FBXO11: variants seen among roughly 807,000 people sequenced by gnomAD.
FBXO11 encodes the protein F-box protein 11.
FBXO11 carries 13 observed loss-of-function variants against 117.0 expected under a neutral mutation model. That is an observed-to-expected ratio of 0.11 (90% CI 0.07 to 0.18). FBXO11 has a LOEUF of 0.18. Among genes scored for constraint, FBXO11 ranks in the 10% least tolerant of loss-of-function variants. The probability of loss-of-function intolerance (pLI) is 1.00; values close to 1 mark genes in which losing one functional copy is unlikely to be tolerated. For synonymous variants in FBXO11, 490 were observed against 380.5 expected (o/e 1.29, Z -3.35); for missense variants, 767 against 1,164.4 (o/e 0.66, Z 4.97).
chr2:47,881,234 A>G (rs540557235), intron 1 of FBXO11, among the ~76,000 whole-genome samples: 1 of 152,318 alleles, frequency 6.6e-6, no homozygotes, highest in South Asian at 2.1e-4. Flanking sequence ...CCTGGGTGAC[A>G]CAACGAGACT....
At chr2:47,810,157 A>G in intron 19 of FBXO11, 159 bp downstream of exon 19, 1 of 566,564 alleles carries the variant, frequency 1.8e-6, no homozygotes, top group East Asian at 3.0e-5. Context: ...AAGAATCCAG[A>G]ACTTGATTAG....
intron 1 of FBXO11, among the ~76,000 whole-genome samples, chr2:47,862,033 C>T (rs1275206871): frequency 1.3e-5 from 2 of 152,118 alleles, no homozygotes; most frequent in Non-Finnish European, 2.9e-5. Context: ...CTGCCACAGC[C>T]TCCCGAGTGG....
chr2:47,849,802 C>T (rs1400711854), intron 1 of FBXO11, among the ~76,000 whole-genome samples: 3 of 152,158 alleles, frequency 2.0e-5, no homozygotes, highest in African/African-American at 7.2e-5. Flanking sequence ...TGCTCATCTC[C>T]AGCACAGGTA....
At chr2:47,862,752 A>G (rs946744092) in intron 1 of FBXO11, among the ~76,000 whole-genome samples, 1 of 152,188 alleles carries the variant, frequency 6.6e-6, no homozygotes, top group African/African-American at 2.4e-5. Context: ...AAAGACTTAC[A>G]GCAGCTTCAA....
intron 16 of FBXO11, among the ~76,000 whole-genome samples, chr2:47,814,639 A>T (rs1489286057): frequency 6.6e-6 from 1 of 152,216 alleles, no homozygotes; most frequent in East Asian, 1.9e-4. Context: ...TCAGTCTCCC[A>T]AAGTGCTGGG....
At chr2:47,828,215 A>T (rs1442244859) in intron 11 of FBXO11, among the ~76,000 whole-genome samples, 1 of 152,198 alleles carries the variant, frequency 6.6e-6, no homozygotes. Flanking sequence ...TCCTGGGTTC[A>T]TGCAGTCCTC....
At chr2:47,808,993 A>G in intron 21 of FBXO11, 165 bp downstream of exon 21, 1 of 520,864 alleles carries the variant, frequency 1.9e-6, no homozygotes, top group South Asian at 2.6e-5. Context: ...CACCACGCCT[A>G]CCCACAGTTA....
intron 16 of FBXO11, 134 bp from the exon 17 acceptor site, chr2:47,814,001 C>A: frequency 3.1e-6 from 2 of 642,602 alleles, no homozygotes; most frequent in South Asian, 3.7e-5. Context: ...GTCCAAGATG[C>A]CCTGAGAAGA....
chr2:47,903,528 A>G (rs1461845385), intron 1 of FBXO11, among the ~76,000 whole-genome samples: 1 of 152,262 alleles, frequency 6.6e-6, no homozygotes, highest in Non-Finnish European at 1.5e-5. Flanking sequence ...TCAGTAGCTA[A>G]TAATTTTGAA....
chr2:47,812,399 G>A (rs540503234), intron 18 of FBXO11, among the ~76,000 whole-genome samples: 5 of 152,086 alleles, frequency 3.3e-5, no homozygotes, highest in African/African-American at 9.7e-5. Flanking sequence ...TTCAAAACAC[G>A]GCTCAAAAGT....
At chr2:47,904,280 C>G (rs573961241) in intron 1 of FBXO11, among the ~76,000 whole-genome samples, 2 of 152,306 alleles carry the variant, frequency 1.3e-5, no homozygotes, top group South Asian at 4.1e-4. Context: ...TTCTCCTCCT[C>G]CTTAAAACAA....
At chr2:47,838,362 T>C (rs181823844) in intron 4 of FBXO11, among the ~76,000 whole-genome samples, 1 of 152,148 alleles carries the variant, frequency 6.6e-6, no homozygotes, top group Non-Finnish European at 1.5e-5. Context: ...TTTATAATTT[T>C]TCTCATTATT....
At chr2:47,854,726 G>C (rs1226608011) in intron 1 of FBXO11, among the ~76,000 whole-genome samples, 1 of 152,122 alleles carries the variant, frequency 6.6e-6, no homozygotes, top group Non-Finnish European at 1.5e-5. Context: ...GGAGGAATGA[G>C]AATTTGCAGT....
intron 1 of FBXO11, among the ~76,000 whole-genome samples, chr2:47,904,089 C>T (rs1021556590): frequency 6.6e-6 from 1 of 152,180 alleles, no homozygotes; most frequent in African/African-American, 2.4e-5. Flanking sequence ...ATTAACATCT[C>T]CCTCCTTCAT....
chr2:47,825,571 CTTTTTTT>C (rs751404253), intron 11 of FBXO11, among the ~76,000 whole-genome samples: 2 of 88,312 alleles, frequency 2.3e-5, no homozygotes, highest in Admixed American at 1.2e-4. Flanking sequence ...TCTTCTTCTT[CTTTTTTT>C]TTTTTTTTTT....
intron 16 of FBXO11, among the ~76,000 whole-genome samples, chr2:47,817,837 A>G (rs1671112304): frequency 6.6e-6 from 1 of 152,256 alleles, no homozygotes; most frequent in Non-Finnish European, 1.5e-5. Flanking sequence ...CAAAACAATT[A>G]CAATAGTAAC....
intron 1 of FBXO11, among the ~76,000 whole-genome samples, chr2:47,896,829 C>G (rs1210088429): frequency 6.6e-6 from 1 of 152,096 alleles, no homozygotes; most frequent in East Asian, 1.9e-4. Context: ...GTGAGTGAGT[C>G]TATAATTTCC....
chr2:47,858,934 G>A (rs1366791643), intron 1 of FBXO11, among the ~76,000 whole-genome samples: 2 of 151,018 alleles, frequency 1.3e-5, no homozygotes, highest in Admixed American at 1.3e-4. Context: ...AGCTACTCAG[G>A]AGGCTGAGGC....
At chr2:47,828,774 G>A (rs994171715) in intron 11 of FBXO11, among the ~76,000 whole-genome samples, 12 of 152,136 alleles carry the variant, frequency 7.9e-5, no homozygotes, top group African/African-American at 2.7e-4. Context: ...AAAGAGGAGG[G>A]TGCTGGGAAC....
Sources: allele counts gnomAD v4.1 joint callset (sites outside exome capture counted in the v4.1 genomes callset), GRCh38; gene constraint gnomAD v4.1.1; transcripts MANE v1.5; gene names NCBI Gene and HGNC (gene_info 2026-07-23, HGNC 2026-07-21).